Variants in FIGN observed in about 807,000 individuals in gnomAD.
FIGN encodes the protein fidgetin, microtubule severing factor, also known as fidgetin.
Under a neutral mutation model 51.3 loss-of-function variants are expected in FIGN, and 11 were observed. The observed-to-expected ratio is 0.21, with a 90% confidence interval of 0.13 to 0.35. FIGN has a LOEUF of 0.35. Ranked by LOEUF, FIGN falls within the 10% of genes least tolerant of loss-of-function variation. The probability of loss-of-function intolerance (pLI) is 1.00; values close to 1 mark genes in which losing one functional copy is unlikely to be tolerated. For synonymous variants in FIGN, 407 were observed against 363.2 expected (o/e 1.12, Z -1.37); for missense variants, 857 against 943.6 (o/e 0.91, Z 1.20).
intron 2 of FIGN, among the ~76,000 whole-genome samples, chr2:163,669,628 T>G (rs1219150556): frequency 6.6e-6 from 1 of 152,202 alleles, no homozygotes; most frequent in Non-Finnish European, 1.5e-5. Flanking sequence ...ATAATCAAAC[T>G]TTCAGTCACA....
At chr2:163,719,686 T>C (rs1684724371) in intron 2 of FIGN, among the ~76,000 whole-genome samples, 1 of 152,188 alleles carries the variant, frequency 6.6e-6, no homozygotes, top group Non-Finnish European at 1.5e-5. Context: ...GGGGTAGTGA[T>C]GCAAAGAAAA....
At chr2:163,611,983 G>C (rs1304406411) in intron 2 of FIGN, among the ~76,000 whole-genome samples, 177 bp from the exon 3 acceptor site, 1 of 152,102 alleles carries the variant, frequency 6.6e-6, no homozygotes, top group African/African-American at 2.4e-5. Flanking sequence ...TCTTTAAAAT[G>C]GACTAAACTT....
chr2:163,647,234 T>A (rs1398498412), intron 2 of FIGN, among the ~76,000 whole-genome samples: 1 of 152,194 alleles, frequency 6.6e-6, no homozygotes, highest in African/African-American at 2.4e-5. Flanking sequence ...GGAATGTAAT[T>A]GGCAAATGCT....
At chr2:163,683,171 G>C (rs1437323754) in intron 2 of FIGN, among the ~76,000 whole-genome samples, 1 of 152,070 alleles carries the variant, frequency 6.6e-6, no homozygotes, top group African/African-American at 2.4e-5. Context: ...AAGCCCCCAG[G>C]ATTACAAGTG....
intron 2 of FIGN, among the ~76,000 whole-genome samples, chr2:163,612,781 G>T (rs1682784281): frequency 7.6e-6 from 1 of 131,962 alleles, no homozygotes; most frequent in Non-Finnish European, 1.5e-5. Context: ...ATATATGAGA[G>T]AGAAAGAGAG....
In FIGN at chr2:163,621,790, A is replaced by G. The variant is rs946255082; in HGVS notation, c.26-9984T>C. 2.6e-5 allele frequency among the ~76,000 whole-genome samples: 4 copies of G among 152,272 alleles called. No individual in the cohort carries two copies. The East Asian group carries it at 7.7e-4, about 29-fold the overall frequency. On this transcript the variant is annotated intron_variant, in intron 2 of 2. Transcript: ENST00000333129. The stretch of plus-strand genomic sequence containing the variant: ...GGCTCTTTCATTTGTAAAAACAAAG[A>G]ATGCTGCATAATGAGCAGAAACAGG...
chr2:163,649,796 A>G (rs568590454), intron 2 of FIGN, among the ~76,000 whole-genome samples: 5 of 152,380 alleles, frequency 3.3e-5, no homozygotes, highest in Admixed American at 1.3e-4. Context: ...GTGAGTTTAC[A>G]AGAGGAAATT....
intron 2 of FIGN, among the ~76,000 whole-genome samples, chr2:163,645,739 G>C (rs890794866): frequency 6.6e-6 from 1 of 152,136 alleles, no homozygotes; most frequent in African/African-American, 2.4e-5. Context: ...GCTCACATTA[G>C]AGCATTGTTT....
intron 2 of FIGN, among the ~76,000 whole-genome samples, chr2:163,668,667 G>A (rs912984853): frequency 2.0e-5 from 3 of 152,164 alleles, no homozygotes; most frequent in East Asian, 1.9e-4. Context: ...TAGGCCAGGC[G>A]CAGTGGCTCA....
intron 2 of FIGN, among the ~76,000 whole-genome samples, chr2:163,653,989 C>A (rs533985898): frequency 1.8e-4 from 27 of 152,190 alleles, no homozygotes; most frequent in Admixed American, 1.6e-3. Flanking sequence ...TAAACTGGAG[C>A]AAAGCGCTAA....
chr2:163,657,290 G>GC (rs1200845867), intron 2 of FIGN, among the ~76,000 whole-genome samples: 1 of 152,120 alleles, frequency 6.6e-6, no homozygotes, highest in Non-Finnish European at 1.5e-5. Flanking sequence ...ACAGAACTTT[G>GC]TTTTAGGAAG....
intron 2 of FIGN, among the ~76,000 whole-genome samples, chr2:163,676,155 G>A (rs186157960): frequency 0.011 from 1,650 of 151,566 alleles, 10 homozygotes; most frequent in Middle Eastern, 0.024. Context: ...GTACACATAT[G>A]AATTCCTTTT....
At chr2:163,717,099 T>C (rs948123329) in intron 2 of FIGN, among the ~76,000 whole-genome samples, 6 of 152,182 alleles carry the variant, frequency 3.9e-5, no homozygotes, top group African/African-American at 1.2e-4. Context: ...TGCAGTGATA[T>C]GAAAAGTCTA....
In FIGN at chr2:163,610,218, G is replaced by C. The variant is rs971114703; in HGVS notation, c.1614C>G (p.Cys538Trp). The change falls in exon 3 of 3, where the codon TGC (cysteine) becomes TGG (tryptophan). Residue 538 changes from cysteine to tryptophan, a missense_variant. By Grantham distance (215) the Cys-to-Trp change is radical (BLOSUM62 -2). Transcript: ENST00000333129. ...RGTGKTLLGRCIASQLGATFF... is the reference protein window; with the variant it reads ...RGTGKTLLGRWIASQLGATFF... ...ATGTGGCCCCCAGCTGACTAGCGAT[G>C]CATCTGCCCAATAATGTTTTGCCTG... 1.2e-6 allele frequency: 2 copies of C among 1,614,108 alleles called. No homozygotes were observed. Among genetic ancestry groups the C allele is most frequent in the South Asian group, 1.1e-5 (1 of 91,086 alleles).
chr2:163,700,396 G>C (rs1214439360), intron 2 of FIGN, among the ~76,000 whole-genome samples: 4 of 152,098 alleles, frequency 2.6e-5, no homozygotes, highest in African/African-American at 9.7e-5. Flanking sequence ...GAAGGAAGGG[G>C]ACACTGGGGC....
chr2:163,611,936 T>TATAGGTATTTTATAATACCTATAAAAG lies in FIGN; in HGVS notation c.26-131_26-130insCTTTTATAGGTATTATAAAATACCTAT, dbSNP rs1208900607. On this transcript the variant is annotated intron_variant, in intron 2 of 2. Coordinates refer to ENST00000333129, the MANE Select transcript of FIGN (RefSeq NM_018086.4). The stretch of plus-strand genomic sequence containing the variant: ...TATGCATACTTTAAAAGATCTACAC[T>TATAGGTATTTTATAATACCTATAAAAG]GTTTATAATACCTATTATGATCCCT... 2.4e-5 allele frequency: 16 copies of TATAGGTATTTTATAATACCTATAAAAG among 668,842 alleles called. No individual in the cohort carries two copies. In the African/African-American group the frequency reaches 2.9e-4, roughly 12 times the overall value. The allele number at this position is 668,842 out of a possible 1,614,324, so 41.4% of individuals were successfully genotyped here.
chr2:163,678,147 AC>A (rs1395240914), intron 2 of FIGN, among the ~76,000 whole-genome samples: 3 of 152,188 alleles, frequency 2.0e-5, no homozygotes, highest in Non-Finnish European at 4.4e-5. Flanking sequence ...CTTAGTTGTT[AC>A]CCAGTATTCC....
At chr2:163,658,303 G>A (rs186023664) in intron 2 of FIGN, among the ~76,000 whole-genome samples, 3 of 151,434 alleles carry the variant, frequency 2.0e-5, no homozygotes, top group South Asian at 2.1e-4. Context: ...TCTGGCCTCC[G>A]GGGCACATGG....
chr2:163,704,789 A>G (rs1559027170), intron 2 of FIGN, among the ~76,000 whole-genome samples: 1 of 151,912 alleles, frequency 6.6e-6, no homozygotes, highest in Non-Finnish European at 1.5e-5. Context: ...TATTTCAAAT[A>G]CTCTGACAGG....
Sources: gnomAD v4.1 joint callset for allele counts (sites outside exome capture counted in the v4.1 genomes callset) on GRCh38, gnomAD v4.1.1 for gene constraint, MANE v1.5 for transcripts, NCBI Gene and HGNC (gene_info 2026-07-23, HGNC 2026-07-21) for gene names.